Variants in ITSN2 observed in about 807,000 individuals in gnomAD.
ITSN2 encodes the protein intersectin 2.
A neutral mutation model predicts 243.7 loss-of-function variants in ITSN2; 156 were observed. That is an observed-to-expected ratio of 0.64 (90% CI 0.56 to 0.73). ITSN2 has a LOEUF of 0.73. ITSN2 is among the 30% of genes least tolerant of loss of function. The pLI is 0.00. For synonymous variants in ITSN2, 703 were observed against 699.9 expected (o/e 1.00, Z -0.07); for missense variants, 1,801 against 1,996.1 (o/e 0.90, Z 1.86).
chr2:24,206,102 A>T (rs1668829551), intron 37 of ITSN2: 1 of 301,682 alleles, frequency 3.3e-6, no homozygotes, highest in Non-Finnish European at 6.8e-6. Context: ...AGCAAAACTC[A>T]GGCAGAAAAA....
At chr2:24,237,510 G>A (rs1285691763) in intron 29 of ITSN2, among the ~76,000 whole-genome samples, 4 of 152,084 alleles carry the variant, frequency 2.6e-5, no homozygotes, top group Admixed American at 6.5e-5. Flanking sequence ...ACCAGGTGGT[G>A]TACATCTGAT....
Position 24,210,939 on chromosome 2 carries a change from C to T in ITSN2, c.4098G>A (p.Glu1366=), listed in dbSNP as rs1353599416. ...GGTCTGCATGGCTCTCCGGGGTGTT[C>T]TCCAGAATCTGGAAAAGAGTGGGCA... ...RYPLLIRSIL[E]NTPESHADHS... Residue 1366 remains glutamate (E), a synonymous_variant, in exon 34 of 40, where the codon GAG becomes GAA. Transcript: ENST00000355123. 1 of 1,614,132 alleles carries T rather than the reference C, an allele frequency of 6.2e-7. No homozygotes were observed. The highest frequency in any genetic ancestry group is 2.2e-5 in the East Asian group (1 of 44,886).
chr2:24,340,618 T>C (rs1023750113), intron 1 of ITSN2, among the ~76,000 whole-genome samples: 1 of 152,138 alleles, frequency 6.6e-6, no homozygotes, highest in Non-Finnish European at 1.5e-5. Flanking sequence ...CAACTTCTAA[T>C]ACCATAGATT....
chr2:24,328,320 A>G (rs1295611859), intron 1 of ITSN2, among the ~76,000 whole-genome samples: 1 of 152,190 alleles, frequency 6.6e-6, no homozygotes, highest in Non-Finnish European at 1.5e-5. Context: ...CTGCCTTAAT[A>G]CAGAAAAACA....
At chr2:24,255,127 A>C (rs1225376329) in intron 23 of ITSN2, among the ~76,000 whole-genome samples, 2 of 152,248 alleles carry the variant, frequency 1.3e-5, no homozygotes, top group Non-Finnish European at 2.9e-5. Flanking sequence ...TCTGTTAGAA[A>C]ACACTAGTAA....
intron 13 of ITSN2, among the ~76,000 whole-genome samples, chr2:24,296,031 T>C (rs1199599517): frequency 6.6e-6 from 1 of 152,156 alleles, no homozygotes; most frequent in Non-Finnish European, 1.5e-5. Context: ...CATATGTTAG[T>C]ATGGGAAAGC....
At position 24,257,838 on chromosome 2, in the gene ITSN2, A is replaced by G. The variant is rs774545717; in HGVS notation, c.2888+50T>C. On this transcript the variant is annotated intron_variant, in intron 23 of 39. Coordinates refer to ENST00000355123, the MANE Select transcript of ITSN2 (RefSeq NM_006277.3). ...TCAATCAGACCATGGCTGACTCATTAGTGAAAATACCAACATCCACATCTC... is the reference window on the plus strand; with the variant it reads ...TCAATCAGACCATGGCTGACTCATTGGTGAAAATACCAACATCCACATCTC... 4.5e-6 allele frequency: 6 copies of G among 1,334,174 alleles called. No individual in the cohort carries two copies. The Admixed American group carries it at 8.4e-5, about 19-fold the overall frequency. The allele number at this position is 1,334,174 out of a possible 1,614,324, so 82.6% of individuals were successfully genotyped here.
chr2:24,286,119 C>CAT, intron 16 of ITSN2, 93 bp downstream of exon 16: 2 of 682,128 alleles, frequency 2.9e-6, no homozygotes, highest in Non-Finnish European at 4.9e-6. Context: ...AAATGTAATA[C>CAT]ATATAATAGC....
chr2:24,301,525 T>G (rs1173666120), intron 10 of ITSN2, among the ~76,000 whole-genome samples: 1 of 151,328 alleles, frequency 6.6e-6, no homozygotes, highest in Non-Finnish European at 1.5e-5. Context: ...CACATCCACT[T>G]CTTTTTTTTT....
At chr2:24,289,906 T>A (rs909576797) in intron 15 of ITSN2, among the ~76,000 whole-genome samples, 4 of 152,220 alleles carry the variant, frequency 2.6e-5, no homozygotes, top group Non-Finnish European at 5.9e-5. Flanking sequence ...CGATCTTAGA[T>A]GAAAAGTCTT....
chr2:24,325,157 C>T lies in ITSN2; in HGVS notation c.31+2895G>A, dbSNP rs368968510. Reference sequence around the variant, plus strand: ...AGGTGTGATGGCTCATGCCTGTAATCCAAGCACTTTGGGAGGCTAAGGTGG... The same window carrying T: ...AGGTGTGATGGCTCATGCCTGTAATTCAAGCACTTTGGGAGGCTAAGGTGG... On this transcript the variant is annotated intron_variant, in intron 2 of 39. Coordinates refer to ENST00000355123, the MANE Select transcript of ITSN2 (RefSeq NM_006277.3). Among the ~76,000 whole-genome samples, 312 of 152,106 alleles carry T rather than the reference C, an allele frequency of 2.1e-3. 7 individuals are homozygous for T. The highest frequency in any genetic ancestry group is 7.5e-3 in the African/African-American group (310 of 41,442).
chr2:24,243,750 T>G (rs1673011939), intron 29 of ITSN2, among the ~76,000 whole-genome samples: 2 of 152,190 alleles, frequency 1.3e-5, no homozygotes, highest in South Asian at 4.1e-4. Context: ...GCCCTGCTAT[T>G]TCCATGTTTT....
chr2:24,288,776 CT>C (rs1433426509), intron 15 of ITSN2, among the ~76,000 whole-genome samples: 1 of 152,138 alleles, frequency 6.6e-6, no homozygotes, highest in Non-Finnish European at 1.5e-5. Flanking sequence ...CTTATTCCTC[CT>C]ATCTAACTGA....
intron 29 of ITSN2, among the ~76,000 whole-genome samples, chr2:24,231,364 C>T (rs1236969968): frequency 6.6e-6 from 1 of 152,236 alleles, no homozygotes; most frequent in Non-Finnish European, 1.5e-5. Context: ...TGAAGATACA[C>T]TCTGAGCTTC....
intron 1 of ITSN2, among the ~76,000 whole-genome samples, chr2:24,331,532 C>T (rs1409002481): frequency 3.3e-5 from 5 of 152,206 alleles, no homozygotes; most frequent in Non-Finnish European, 7.3e-5. Flanking sequence ...TCTTGGCTCC[C>T]AGGAGGAGGG....
In ITSN2 at chr2:24,301,950, TC is replaced by T; in HGVS notation, c.995+14del. 6.3e-7 allele frequency: 1 copy of T among 1,599,800 alleles called. No individual in the cohort carries two copies. On this transcript the variant is annotated intron_variant, in intron 10 of 39. Coordinates refer to ENST00000355123, the MANE Select transcript of ITSN2 (RefSeq NM_006277.3). ...GTTATCAAAACCATAGTTCTCCACCTCCAGGCACACTCACCTGAAAGATGGA... is the reference window on the plus strand; with the variant it reads ...GTTATCAAAACCATAGTTCTCCACCTCAGGCACACTCACCTGAAAGATGGA...
Position 24,281,342 on chromosome 2 carries a change from T to G in ITSN2, c.1944+3421A>C, listed in dbSNP as rs1678752612. ...ACCACGCCCAGCCATCAATAGGTTTTCAACCTCACTGAGACCATTCTGTTG... is the reference window on the plus strand; with the variant it reads ...ACCACGCCCAGCCATCAATAGGTTTGCAACCTCACTGAGACCATTCTGTTG... On this transcript the variant is annotated intron_variant, in intron 17 of 39. Transcript: ENST00000355123. 3.3e-5 allele frequency among the ~76,000 whole-genome samples: 5 copies of G among 152,238 alleles called. 1 individual carries two copies. In the South Asian group the frequency reaches 1.0e-3, roughly 32 times the overall value.
At chr2:24,222,556 A>G (rs1243866231) in intron 29 of ITSN2, among the ~76,000 whole-genome samples, 1 of 152,150 alleles carries the variant, frequency 6.6e-6, no homozygotes, top group Non-Finnish European at 1.5e-5. Context: ...TATATTTAAA[A>G]AAATTATGTG....
chr2:24,228,598 T>C (rs1230474634), intron 29 of ITSN2, among the ~76,000 whole-genome samples: 1 of 152,152 alleles, frequency 6.6e-6, no homozygotes, highest in Non-Finnish European at 1.5e-5. Context: ...GAAGAGATAT[T>C]GATCAAAGGC....
Sources: allele counts gnomAD v4.1 joint callset (sites outside exome capture counted in the v4.1 genomes callset), GRCh38; gene constraint gnomAD v4.1.1; transcripts MANE v1.5; gene names NCBI Gene and HGNC (gene_info 2026-07-23, HGNC 2026-07-21).